PCDHGB3: variants seen among roughly 807,000 people sequenced by gnomAD.
PCDHGB3 encodes the protein protocadherin gamma-B3.
PCDHGB3 carries 40 observed loss-of-function variants against 59.2 expected under a neutral mutation model. The observed-to-expected ratio is 0.68, with a 90% CI of 0.52 to 0.88. The LOEUF (loss-of-function observed/expected upper bound fraction) is 0.88, where lower values mean the gene tolerates loss of function less well. Among genes scored for constraint, PCDHGB3 ranks in the 40% least tolerant of loss-of-function variants. PCDHGB3 has a pLI of 0.00. For missense variants in PCDHGB3, 1,309 were observed against 1,187.9 expected, an observed-to-expected ratio of 1.10 and a Z score of -1.50; for synonymous variants, 581 against 503.6, an observed-to-expected ratio of 1.15 and a Z score of -2.06.
intron 2 of PCDHGB3, among the ~76,000 whole-genome samples, chr5:141,503,458 G>A (rs948221006): frequency 2.0e-5 from 3 of 152,018 alleles, no homozygotes; most frequent in Non-Finnish European, 4.4e-5. Flanking sequence ...CGCTGGGCAT[G>A]GTGGCATGTG....
rs528172004 is a variant in PCDHGB3, at chr5:141,370,968, C to A, written c.574C>A (p.Pro192Thr). 3 of 1,613,848 alleles carry A rather than the reference C, an allele frequency of 1.9e-6. No homozygotes were observed. Among genetic ancestry groups the A allele is most frequent in the East Asian group, 2.2e-5 (1 of 44,900 alleles). The change falls in exon 1 of 4, where the codon CCA (proline) becomes ACA (threonine). Residue 192 changes from proline (P) to threonine (T), a missense_variant. By Grantham distance (38) the Pro-to-Thr change is conservative. Coordinates refer to ENST00000576222, the MANE Select transcript of PCDHGB3 (RefSeq NM_018924.5). ...GGAGAACCTGGATGGCAGTAGGTACCCAGAGCTAGTACTGAAAGCACCCCT... is the reference window on the plus strand; with the variant it reads ...GGAGAACCTGGATGGCAGTAGGTACACAGAGCTAGTACTGAAAGCACCCCT... Reference protein sequence around the residue: ...QKENLDGSRYPELVLKAPLDR... With the variant: ...QKENLDGSRYTELVLKAPLDR...
rs71583649 is a variant in PCDHGB3, at chr5:141,491,361, C to A, written c.2416-3446C>A. On this transcript the variant is annotated intron_variant, in intron 1 of 3. Transcript: ENST00000576222. The surrounding 1 kb of genome is among the most constrained non-coding windows in gnomAD (Gnocchi z 6.9). The stretch of plus-strand genomic sequence containing the variant: ...CGACCGTCAGTCTCTTATCCCTAGT[C>A]ACCTTCACCTTTCTGTCAGCGAAGT... 1.0e-3 allele frequency: 1,614 copies of A among 1,614,132 alleles called. 5 individuals carry two copies. The highest frequency in any genetic ancestry group is 5.1e-3 in the Middle Eastern group (31 of 6,062).
chr5:141,419,886 G>A lies in PCDHGB3; in HGVS notation c.2415+47077G>A, dbSNP rs1195529127. ...TTGCAAGAGGTACTGCCGGATTTCA[G>A]CGACCATCCCACACCCTCTGACTCC... On this transcript the variant is annotated intron_variant, in intron 1 of 3. Transcript: ENST00000576222. 1.9e-6 allele frequency: 3 copies of A among 1,614,076 alleles called. No individual in the cohort carries two copies. In the East Asian group the frequency reaches 6.7e-5, roughly 36 times the overall value.
At chr5:141,405,708 C>T (rs1328051668) in intron 1 of PCDHGB3, among the ~76,000 whole-genome samples, 2 of 152,164 alleles carry the variant, frequency 1.3e-5, no homozygotes, top group African/African-American at 4.8e-5. Context: ...GAATTCCTAA[C>T]CTCAAGTGAT....
rs202113404 is a variant in PCDHGB3, at chr5:141,414,779, A to G, written c.2415+41970A>G. The G allele has an allele frequency of 4.2e-4, 674 of 1,614,210 alleles. No homozygotes were observed. Among genetic ancestry groups the G allele is most frequent in the Admixed American group, 6.0e-4 (36 of 60,022 alleles). On this transcript the variant is annotated intron_variant, in intron 1 of 3. Transcript: ENST00000576222. ...GAGCAGTTTCATGAGCTACAGATGCAGGTGACAGCCAGCGACAGCGGGGAT... is the reference window on the plus strand; with the variant it reads ...GAGCAGTTTCATGAGCTACAGATGCGGGTGACAGCCAGCGACAGCGGGGAT...
chr5:141,381,826 CTTTTTTTTTTT>C (rs770630741), intron 1 of PCDHGB3, among the ~76,000 whole-genome samples: 18 of 74,294 alleles, frequency 2.4e-4, no homozygotes, highest in African/African-American at 9.9e-4. Flanking sequence ...CTTTCTTCTT[CTTTTTTTTTTT>C]TTTTTTTTTT....
intron 1 of PCDHGB3, among the ~76,000 whole-genome samples, chr5:141,453,065 G>A (rs1308047230): frequency 3.3e-5 from 5 of 151,960 alleles, no homozygotes; most frequent in African/African-American, 1.2e-4. Flanking sequence ...TTAGAGTTTT[G>A]CCACACTCTG....
rs1299162270 is a variant in PCDHGB3 at position 141,413,906 on chromosome 5, C to T, written c.2415+41097C>T. ...GTCTTCGATGCAAATGACAACGCGC[C>T]GGTCTTCACCTTGCCAGAATACCGA... On this transcript the variant is annotated intron_variant, in intron 1 of 3. Transcript: ENST00000576222. The T allele has an allele frequency of 1.9e-6, 3 of 1,613,190 alleles. No homozygotes were observed. The highest frequency in any genetic ancestry group is 1.7e-6 in the Non-Finnish European group (2 of 1,179,870).
intron 1 of PCDHGB3, chr5:141,393,467 C>G (rs1589192441): frequency 6.2e-7 from 1 of 1,614,044 alleles, no homozygotes; most frequent in East Asian, 2.2e-5. Flanking sequence ...CGGATGGCGG[C>G]AAGCCGCCTC....
chr5:141,441,327 C>T (rs973149197), intron 1 of PCDHGB3: 2 of 152,196 alleles, frequency 1.3e-5, no homozygotes, highest in Admixed American at 6.5e-5. Flanking sequence ...AAAAATCTTC[C>T]TCCAATAATT....
intron 1 of PCDHGB3, among the ~76,000 whole-genome samples, chr5:141,464,132 G>A (rs1432411937): frequency 6.6e-6 from 1 of 152,076 alleles, no homozygotes; most frequent in Non-Finnish European, 1.5e-5. Flanking sequence ...GGGTGTGGTG[G>A]TGGGCGCCTG....
At chr5:141,409,013 G>T in intron 1 of PCDHGB3, 1 of 1,613,998 alleles carries the variant, frequency 6.2e-7, no homozygotes. Flanking sequence ...TGACCAGGAT[G>T]AGGGGGTCAA....
intron 1 of PCDHGB3, chr5:141,383,806 A>C: frequency 6.2e-7 from 1 of 1,614,006 alleles, no homozygotes; most frequent in Non-Finnish European, 8.5e-7. Context: ...AGAAATATCA[A>C]CTTTAGAAGG....
At chr5:141,414,930 C>A (rs561548499) in intron 1 of PCDHGB3, 1 of 1,614,156 alleles carries the variant, frequency 6.2e-7, no homozygotes, top group South Asian at 1.1e-5. Flanking sequence ...CGCCCCGCTC[C>A]GCAGAGCCCG....
chr5:141,455,852 T>C (rs2154565235), intron 1 of PCDHGB3, among the ~76,000 whole-genome samples: 1 of 148,622 alleles, frequency 6.7e-6, no homozygotes, highest in South Asian at 2.1e-4. Context: ...CATAAAATAA[T>C]TTCTTTTATT....
rs374653658 is a variant in PCDHGB3, at chr5:141,371,335, G to A, written c.941G>A (p.Ser314Asn). Residue 314 changes from serine (S) to asparagine (N), a missense_variant, in exon 1 of 4, where the codon AGC becomes AAC. Coordinates refer to ENST00000576222, the MANE Select transcript of PCDHGB3 (RefSeq NM_018924.5). ...IGELDFEERD[S>N]YTIGVEAKDG... is the part of the protein sequence containing the mutation. ...GAACTGGACTTTGAAGAGAGAGATA[G>A]CTACACAATTGGGGTGGAAGCAAAG... 21 of 1,613,940 alleles carry A rather than the reference G, an allele frequency of 1.3e-5. No homozygotes were observed. Among genetic ancestry groups the A allele is most frequent in the Non-Finnish European group, 1.8e-5 (21 of 1,179,882 alleles).
intron 2 of PCDHGB3, among the ~76,000 whole-genome samples, chr5:141,500,775 T>C (rs1251282826): frequency 6.6e-6 from 1 of 152,218 alleles, no homozygotes; most frequent in Non-Finnish European, 1.5e-5. Context: ...CTTATGAATA[T>C]ACATATTATT....
At chr5:141,453,811 A>G (rs541081089) in intron 1 of PCDHGB3, among the ~76,000 whole-genome samples, 1 of 152,350 alleles carries the variant, frequency 6.6e-6, no homozygotes, top group Admixed American at 6.5e-5. Context: ...AGTTCCATAA[A>G]GGACAAACTT....
chr5:141,491,332 C>T lies in PCDHGB3; in HGVS notation c.2416-3475C>T, dbSNP rs1013118722. 2 of 1,614,072 alleles carry T rather than the reference C, an allele frequency of 1.2e-6. No individual in the cohort carries two copies. The highest frequency in any genetic ancestry group is 2.7e-5 in the African/African-American group (2 of 74,944). On this transcript the variant is annotated intron_variant, in intron 1 of 3. Coordinates refer to ENST00000576222, the MANE Select transcript of PCDHGB3 (RefSeq NM_018924.5). This position sits in a 1 kb window ranked among gnomAD's most constrained non-coding sequence, Gnocchi z 6.9. ...CCTTACCCTTTACCTCATTGTGGCT[C>T]TAGCGACCGTCAGTCTCTTATCCCT...
Sources: gnomAD v4.1 joint callset for allele counts (sites outside exome capture counted in the v4.1 genomes callset) on GRCh38, gnomAD v4.1.1 for gene constraint, Gnocchi (gnomAD v3.1) non-coding constraint, MANE v1.5 for transcripts, NCBI Gene and HGNC (gene_info 2026-07-23, HGNC 2026-07-21) for gene names.